PRKCA: variants seen among roughly 807,000 people sequenced by gnomAD.
The protein encoded by PRKCA is protein kinase C alpha, also known as protein kinase C alpha type.
In PRKCA, 27 loss-of-function variants were observed where a neutral mutation model predicts 87.0. That is an observed-to-expected ratio of 0.31 (90% CI 0.23 to 0.43). The LOEUF (loss-of-function observed/expected upper bound fraction) is 0.43. Among genes scored for constraint, PRKCA ranks in the 20% least tolerant of loss-of-function variants. PRKCA has a pLI of 1.00. For synonymous variants in PRKCA, 329 were observed against 311.1 expected, an observed-to-expected ratio of 1.06 and a Z score of -0.61; for missense variants, 518 against 852.3, an observed-to-expected ratio of 0.61 and a Z score of 4.88.
intron 3 of PRKCA, among the ~76,000 whole-genome samples, chr17:66,525,629 A>G (rs1008353899): frequency 6.6e-5 from 10 of 152,134 alleles, no homozygotes; most frequent in African/African-American, 2.4e-4. Context: ...AGTGTACTGG[A>G]AAGGTATGGG....
intron 2 of PRKCA, among the ~76,000 whole-genome samples, chr17:66,342,762 T>C (rs1392023548): frequency 6.6e-6 from 1 of 152,208 alleles, no homozygotes; most frequent in Non-Finnish European, 1.5e-5. Flanking sequence ...TTGCTTCAGC[T>C]TTTTAAATAT....
intron 3 of PRKCA, among the ~76,000 whole-genome samples, chr17:66,606,670 T>C (rs1188995915): frequency 1.3e-5 from 2 of 152,216 alleles, no homozygotes; most frequent in African/African-American, 2.4e-5. Flanking sequence ...TATCAATTGC[T>C]GGGAAAGAGA....
chr17:66,715,373 G>A (rs932495860), intron 8 of PRKCA, among the ~76,000 whole-genome samples: 10 of 151,948 alleles, frequency 6.6e-5, no homozygotes, highest in Admixed American at 3.3e-4. Context: ...CTCTGCCCTC[G>A]TGTAACTGTC....
At chr17:66,482,033 G>A (rs569467085) in intron 2 of PRKCA, among the ~76,000 whole-genome samples, 22 of 147,988 alleles carry the variant, frequency 1.5e-4, no homozygotes, top group African/African-American at 4.0e-4. Context: ...CCTGGGAGGC[G>A]GAGGTTGCAG....
intron 3 of PRKCA, among the ~76,000 whole-genome samples, chr17:66,633,144 C>T (rs905443652): frequency 3.9e-5 from 6 of 152,170 alleles, no homozygotes; most frequent in African/African-American, 7.2e-5. Context: ...GACCCAGCCG[C>T]CTGAGAAGGG....
At chr17:66,717,139 G>A (rs1329697267) in intron 8 of PRKCA, among the ~76,000 whole-genome samples, 2 of 152,212 alleles carry the variant, frequency 1.3e-5, no homozygotes, top group Non-Finnish European at 2.9e-5. Context: ...AAATCTAACT[G>A]CAAATGAGGA....
intron 16 of PRKCA, among the ~76,000 whole-genome samples, chr17:66,794,975 G>A (rs1329786810): frequency 6.6e-6 from 1 of 152,024 alleles, no homozygotes; most frequent in Non-Finnish European, 1.5e-5. Flanking sequence ...TGTTAGGTTG[G>A]AGCAAAAGTA....
In PRKCA at chr17:66,516,551, T is replaced by G. The variant is rs140744070; in HGVS notation, c.288+20268T>G. ...GGGAGGTTGAGGCTGCAGAATCACTTGAACCTGGGAGGCAGAGGTTGCAGT... is the reference window on the plus strand; with the variant it reads ...GGGAGGTTGAGGCTGCAGAATCACTGGAACCTGGGAGGCAGAGGTTGCAGT... On this transcript the variant is annotated intron_variant, in intron 3 of 16. Transcript: ENST00000413366. 7.0e-3 allele frequency among the ~76,000 whole-genome samples: 1,064 copies of G among 151,934 alleles called. 10 individuals are homozygous for G. Among genetic ancestry groups the G allele is most frequent in the South Asian group, 0.024 (116 of 4,796 alleles).
chr17:66,445,051 C>T (rs1213634562), intron 2 of PRKCA, among the ~76,000 whole-genome samples: 2 of 152,146 alleles, frequency 1.3e-5, no homozygotes, highest in Non-Finnish European at 2.9e-5. Flanking sequence ...GTCCCTGCCC[C>T]GAATTTGTCA....
intron 5 of PRKCA, among the ~76,000 whole-genome samples, chr17:66,673,205 T>G (rs1485156164): frequency 1.3e-5 from 2 of 152,250 alleles, no homozygotes; most frequent in Non-Finnish European, 2.9e-5. Flanking sequence ...TTTATGATCT[T>G]TTTCCAAGGA....
intron 13 of PRKCA, among the ~76,000 whole-genome samples, chr17:66,763,570 A>G (rs544129457): frequency 8.5e-5 from 13 of 152,362 alleles, no homozygotes; most frequent in African/African-American, 2.9e-4. Flanking sequence ...TTTTCAAAAC[A>G]AATGTAATTT....
At chr17:66,797,473 G>A (rs965832934) in intron 16 of PRKCA, among the ~76,000 whole-genome samples, 2 of 152,184 alleles carry the variant, frequency 1.3e-5, no homozygotes, top group Admixed American at 1.3e-4. Flanking sequence ...GTCCCTCAGA[G>A]ATCGATCACA....
intron 10 of PRKCA, among the ~76,000 whole-genome samples, chr17:66,736,877 C>A (rs2144217913): frequency 6.6e-6 from 1 of 152,296 alleles, no homozygotes; most frequent in Middle Eastern, 3.4e-3. Flanking sequence ...TGCTTTTGCA[C>A]CATGAAGGCA....
Position 66,810,104 on chromosome 17 carries a change from C to A in PRKCA, c.*6067C>A, listed in dbSNP as rs1165462707. 1 of 152,222 alleles carries A rather than the reference C, an allele frequency of 6.6e-6. No individual in the cohort carries two copies. Among genetic ancestry groups the A allele is most frequent in the Non-Finnish European group, 1.5e-5 (1 of 68,044 alleles). The allele number at this position is 152,222 out of a possible 1,614,324, so 9.4% of individuals were successfully genotyped here. A position where few individuals can be genotyped will look rare whatever the true frequency, so the allele number is the denominator to read the frequency against. Reference sequence around the variant, plus strand: ...GCTTTTCAGAAAATAGGTGTCAAGTCCACTTTATAAGAACCTTTTTTTCTA... The same window carrying A: ...GCTTTTCAGAAAATAGGTGTCAAGTACACTTTATAAGAACCTTTTTTTCTA... On this transcript the variant is annotated 3_prime_UTR_variant, in exon 17 of 17. Transcript: ENST00000413366.
chr17:66,418,440 C>CTTTTTT (rs113526885), intron 2 of PRKCA, among the ~76,000 whole-genome samples: 1 of 142,244 alleles, frequency 7.0e-6, no homozygotes. Flanking sequence ...TTGTTTTAGC[C>CTTTTTT]TTTTTTTTTT....
At chr17:66,667,283 T>C (rs1445309544) in intron 5 of PRKCA, among the ~76,000 whole-genome samples, 2 of 152,184 alleles carry the variant, frequency 1.3e-5, no homozygotes, top group Non-Finnish European at 2.9e-5. Context: ...CAGACCACAC[T>C]GGAGGCATAT....
Position 66,780,201 on chromosome 17 carries a change from G to A in PRKCA, c.1605+6134G>A, listed in dbSNP as rs987297319. Among the ~76,000 whole-genome samples, 15 of 152,292 alleles carry A rather than the reference G, an allele frequency of 9.8e-5. No homozygotes were observed. In the East Asian group the frequency reaches 2.5e-3, roughly 25 times the overall value. ...GATATGCACAGGTGTCTCTAGTAGC[G>A]TTAGTGATGAGGGTACATGCTGGAA... On this transcript the variant is annotated intron_variant, in intron 14 of 16. Coordinates refer to ENST00000413366, the MANE Select transcript of PRKCA (RefSeq NM_002737.3).
intron 5 of PRKCA, among the ~76,000 whole-genome samples, chr17:66,668,922 G>A (rs534683248): frequency 5.1e-4 from 77 of 152,160 alleles, no homozygotes; most frequent in Non-Finnish European, 9.3e-4. Flanking sequence ...GGGCAACATA[G>A]CAAGTTCTGC....
At chr17:66,571,973 A>C (rs1376600644) in intron 3 of PRKCA, among the ~76,000 whole-genome samples, 1 of 152,186 alleles carries the variant, frequency 6.6e-6, no homozygotes, top group East Asian at 1.9e-4. Context: ...GCCACTCCGT[A>C]TAATTCCGTC....
Sources: allele counts gnomAD v4.1 joint callset (sites outside exome capture counted in the v4.1 genomes callset), GRCh38; gene constraint gnomAD v4.1.1; transcripts MANE v1.5; gene names NCBI Gene and HGNC (gene_info 2026-07-23, HGNC 2026-07-21).